The following ST8SIA5 variants were observed in gnomAD, a reference collection of about 807,000 sequenced individuals.
ST8SIA5 encodes alpha-2,8-sialyltransferase 8E.
ST8SIA5 carries 24 observed loss-of-function variants against 40.2 expected under a neutral mutation model. The ratio of observed to expected loss-of-function variants is 0.60; its 90% CI spans 0.43 to 0.84. The LOEUF (loss-of-function observed/expected upper bound fraction) is 0.84. Ranked by LOEUF, ST8SIA5 falls within the 40% of genes least tolerant of loss-of-function variation. The probability of loss-of-function intolerance (pLI) is 0.00; values close to 1 mark genes in which losing one functional copy is unlikely to be tolerated. For missense variants in ST8SIA5, 465 were observed against 498.5 expected (o/e 0.93, Z 0.64); for synonymous variants, 198 against 201.8 (o/e 0.98, Z 0.16).
At chr18:46,699,389 T>C (rs1320709477) in intron 2 of ST8SIA5, among the ~76,000 whole-genome samples, 1 of 150,394 alleles carries the variant, frequency 6.6e-6, no homozygotes, top group African/African-American at 2.5e-5. Flanking sequence ...TTTTTTTTTC[T>C]TTTTTTTTGA....
chr18:46,718,381 T>C (rs927514411), intron 1 of ST8SIA5, among the ~76,000 whole-genome samples: 1 of 151,882 alleles, frequency 6.6e-6, no homozygotes, highest in Admixed American at 6.6e-5. Flanking sequence ...ATTAAATCAG[T>C]TCCCCTAAGG....
chr18:46,718,439 G>C (rs142473986), intron 1 of ST8SIA5, among the ~76,000 whole-genome samples: 158 of 150,576 alleles, frequency 1.0e-3, no homozygotes, highest in Non-Finnish European at 1.8e-3. Context: ...AATTAATAAA[G>C]CTATATGTCA....
chr18:46,754,629 T>C (rs1376834162), intron 1 of ST8SIA5, among the ~76,000 whole-genome samples: 5 of 152,220 alleles, frequency 3.3e-5, no homozygotes, highest in African/African-American at 9.6e-5. Context: ...TCAGGGTCTC[T>C]GTGAGGGAGG....
intron 2 of ST8SIA5, among the ~76,000 whole-genome samples, chr18:46,702,196 AG>A (rs1298298026): frequency 1.1e-4 from 17 of 152,062 alleles, no homozygotes; most frequent in African/African-American, 3.9e-4. Context: ...GAAATCTTGA[AG>A]GTGTGCTTTC....
At position 46,671,025 on chromosome 18, in the gene ST8SIA5, A is replaced by C. The variant is rs1476876539; in HGVS notation, c.*9017T>G. The C allele has an allele frequency of 6.6e-6, 1 of 152,170 alleles. No homozygotes were observed. The highest frequency in any genetic ancestry group is 1.5e-5 in the Non-Finnish European group (1 of 68,026). 9.4% of individuals were successfully genotyped at this position (152,170 alleles called of 1,614,324 possible). A position where few individuals can be genotyped will look rare whatever the true frequency, so the allele number is the denominator to read the frequency against. Reference sequence around the variant, plus strand: ...ATAGCATCTATTTTCAGGGGCTCAAAATTATTTTCCTTCAACTGAGTCCTC... The same window carrying C: ...ATAGCATCTATTTTCAGGGGCTCAACATTATTTTCCTTCAACTGAGTCCTC... On this transcript the variant is annotated 3_prime_UTR_variant, in exon 7 of 7. Transcript: ENST00000315087.
intron 1 of ST8SIA5, among the ~76,000 whole-genome samples, chr18:46,716,321 C>T (rs1433004105): frequency 1.4e-4 from 22 of 152,192 alleles, no homozygotes; most frequent in Admixed American, 1.4e-3. Flanking sequence ...ACTTGGCTCG[C>T]TCTTCAGCCA....
At chr18:46,745,151 A>G (rs2144565406) in intron 1 of ST8SIA5, among the ~76,000 whole-genome samples, 1 of 152,320 alleles carries the variant, frequency 6.6e-6, no homozygotes, top group Non-Finnish European at 1.5e-5. Context: ...TCACAATTCA[A>G]AGAACTAGAG....
intron 1 of ST8SIA5, among the ~76,000 whole-genome samples, chr18:46,753,014 C>T (rs2040208555): frequency 6.6e-6 from 1 of 152,168 alleles, no homozygotes; most frequent in Non-Finnish European, 1.5e-5. Flanking sequence ...CCCAATGGCC[C>T]AATGAACCAA....
intron 1 of ST8SIA5, among the ~76,000 whole-genome samples, chr18:46,734,445 C>T (rs1434889929): frequency 6.6e-6 from 1 of 151,834 alleles, no homozygotes. Flanking sequence ...CTGGGGTTGC[C>T]TCTCTAATCT....
Position 46,678,822 on chromosome 18 carries a change from C to G in ST8SIA5, c.*1220G>C, listed in dbSNP as rs2039356983. 6.6e-6 allele frequency: 1 copy of G among 152,260 alleles called. No individual in the cohort carries two copies. The highest frequency in any genetic ancestry group is 1.5e-5 in the Non-Finnish European group (1 of 68,062). The allele number at this position is 152,260 out of a possible 1,614,324, so 9.4% of individuals were successfully genotyped here. ...GTTCACCAACAGTGTCTCTTAGACA[C>G]CATCCCATTTATGGTGGAAACACCA... On this transcript the variant is annotated 3_prime_UTR_variant, in exon 7 of 7. Coordinates refer to ENST00000315087, the MANE Select transcript of ST8SIA5 (RefSeq NM_013305.6).
At chr18:46,755,957 C>G (rs2040239869) in intron 1 of ST8SIA5, among the ~76,000 whole-genome samples, 1 of 151,020 alleles carries the variant, frequency 6.6e-6, no homozygotes, top group African/African-American at 2.5e-5. Context: ...TCAGGACTCG[C>G]GAGGTTATAA....
At chr18:46,680,577 C>T (rs916902960) in intron 6 of ST8SIA5, 67 bp from the exon 7 acceptor site, 1 of 1,451,706 alleles carries the variant, frequency 6.9e-7, no homozygotes, top group African/African-American at 1.4e-5. Flanking sequence ...CGCTTCCCCA[C>T]CCTTGCACCC....
rs773082797 is a variant in ST8SIA5 at position 46,688,856 on chromosome 18, G to C, written c.375C>G (p.Pro125=). The change falls in exon 4 of 7, where the codon CCC becomes CCG. Residue 125 remains proline (P), a synonymous_variant. Coordinates refer to ENST00000315087, the MANE Select transcript of ST8SIA5 (RefSeq NM_013305.6). ...AFLFTTQKNT[P]LGTKLKYEVD... ...CCTCATACTTGAGCTTTGTCCCCAG[G>C]GGAGTGTTCTTCTGGGTGGTGAAGA... The C allele has an allele frequency of 4.3e-6, 7 of 1,614,176 alleles. No homozygotes were observed. The South Asian group carries it at 6.6e-5, about 15-fold the overall frequency.
At chr18:46,696,352 G>C (rs984649462) in intron 2 of ST8SIA5, among the ~76,000 whole-genome samples, 12 of 152,098 alleles carry the variant, frequency 7.9e-5, no homozygotes, top group African/African-American at 2.9e-4. Flanking sequence ...GGCCCCTAGA[G>C]CAGCCCCCTA....
chr18:46,706,267 A>G (rs1314295329), intron 1 of ST8SIA5, among the ~76,000 whole-genome samples: 1 of 152,214 alleles, frequency 6.6e-6, no homozygotes, highest in Non-Finnish European at 1.5e-5. Flanking sequence ...AATTTAGACC[A>G]AGTTAATAAG....
intron 1 of ST8SIA5, 150 bp downstream of exon 1, chr18:46,756,228 G>T: frequency 8.6e-7 from 1 of 1,158,380 alleles, no homozygotes; most frequent in Non-Finnish European, 1.2e-6. Context: ...AAACGCGGTG[G>T]CCCAAGCCTA....
At chr18:46,752,582 C>T (rs2144576192) in intron 1 of ST8SIA5, among the ~76,000 whole-genome samples, 1 of 152,298 alleles carries the variant, frequency 6.6e-6, no homozygotes, top group South Asian at 2.1e-4. Flanking sequence ...GGAGGTGCTG[C>T]AAATGGACCC....
In ST8SIA5 at chr18:46,675,905, A is replaced by C. The variant is rs1433788293; in HGVS notation, c.*4137T>G. On this transcript the variant is annotated 3_prime_UTR_variant, in exon 7 of 7. Coordinates refer to ENST00000315087, the MANE Select transcript of ST8SIA5 (RefSeq NM_013305.6). Reference sequence around the variant, plus strand: ...TTTCTACAAAAAAAAAAAAATTTTCAAATTAGCTGGGAGCAATGGCACGTG... The same window carrying C: ...TTTCTACAAAAAAAAAAAAATTTTCCAATTAGCTGGGAGCAATGGCACGTG... 6.6e-6 allele frequency: 1 copy of C among 151,732 alleles called. No individual in the cohort carries two copies. The highest frequency in any genetic ancestry group is 1.5e-5 in the Non-Finnish European group (1 of 67,960). The allele number at this position is 151,732 out of a possible 1,614,324, so 9.4% of individuals were successfully genotyped here.
intron 1 of ST8SIA5, among the ~76,000 whole-genome samples, chr18:46,726,183 G>A (rs1408774201): frequency 6.7e-6 from 1 of 149,070 alleles, no homozygotes; most frequent in Non-Finnish European, 1.5e-5. Flanking sequence ...GACTGAGTGA[G>A]ACTCTGTCTC....
Sources: allele counts gnomAD v4.1 joint callset (sites outside exome capture counted in the v4.1 genomes callset), GRCh38; gene constraint gnomAD v4.1.1; transcripts MANE v1.5; gene names NCBI Gene and HGNC (gene_info 2026-07-23, HGNC 2026-07-21).